Variants in NRXN1 observed in about 807,000 individuals in gnomAD.
The protein encoded by NRXN1 is neurexin 1.
Under a neutral mutation model 150.9 loss-of-function variants are expected in NRXN1, and 39 were observed. The ratio of observed to expected loss-of-function variants is 0.26; its 90% CI spans 0.20 to 0.34. The LOEUF (loss-of-function observed/expected upper bound fraction) is 0.34, where lower values mean the gene tolerates loss of function less well. NRXN1 is among the 10% of genes least tolerant of loss of function. The pLI is 1.00. For missense variants in NRXN1, 1,815 were observed against 1,949.9 expected (o/e 0.93, Z 1.30); for synonymous variants, 924 against 757.0 (o/e 1.22, Z -3.62).
intron 21 of NRXN1, among the ~76,000 whole-genome samples, chr2:50,018,490 C>A (rs532689843): frequency 6.6e-6 from 1 of 152,274 alleles, no homozygotes; most frequent in African/African-American, 2.4e-5. Context: ...GACTTCATGA[C>A]AAAATGCTGT....
At chr2:50,908,096 C>T (rs1574897999) in intron 5 of NRXN1, among the ~76,000 whole-genome samples, 1 of 152,044 alleles carries the variant, frequency 6.6e-6, no homozygotes, top group South Asian at 2.1e-4. Context: ...AGAACAAATA[C>T]CAAGCCTTAT....
rs141596430 is a variant in NRXN1 at position 50,282,050 on chromosome 2, C to A, written c.3365-45080G>T. 6.6e-5 allele frequency among the ~76,000 whole-genome samples: 10 copies of A among 152,250 alleles called. 1 individual carries two copies. In the East Asian group the frequency reaches 1.9e-3, roughly 29 times the overall value. The stretch of plus-strand genomic sequence containing the variant: ...ATGCCTGCAGTATGAGGCATTGATA[C>A]ATTTAATCAAAATGTCTTACAGTTA... On this transcript the variant is annotated intron_variant, in intron 17 of 22. Coordinates refer to ENST00000401669, the MANE Select transcript of NRXN1 (RefSeq NM_001330078.2).
At chr2:50,226,718 C>T (rs1445784403) in intron 18 of NRXN1, among the ~76,000 whole-genome samples, 1 of 151,894 alleles carries the variant, frequency 6.6e-6, no homozygotes, top group African/African-American at 2.4e-5. Flanking sequence ...AATCTTGCTT[C>T]AAGATACCAA....
At position 50,942,709 on chromosome 2, in the gene NRXN1, T is replaced by A. The variant is rs141457937; in HGVS notation, c.773-16754A>T. 5.1e-3 allele frequency among the ~76,000 whole-genome samples: 778 copies of A among 152,320 alleles called. 7 individuals carry two copies. Among genetic ancestry groups the A allele is most frequent in the African/African-American group, 0.018 (741 of 41,580 alleles). ...ATTTACCCAATGCCTAAACTTCCAT[T>A]GTATCTTGAAAGTAACTAACATGTT... On this transcript the variant is annotated intron_variant, in intron 2 of 22. Coordinates refer to ENST00000401669, the MANE Select transcript of NRXN1 (RefSeq NM_001330078.2).
At chr2:50,200,862 G>A (rs191371682) in intron 18 of NRXN1, among the ~76,000 whole-genome samples, 20 of 152,062 alleles carry the variant, frequency 1.3e-4, no homozygotes, top group Admixed American at 3.3e-4. Flanking sequence ...ACCTTCTCTC[G>A]TCTTCCTATT....
At chr2:51,015,866 A>T (rs2105233670) in intron 2 of NRXN1, among the ~76,000 whole-genome samples, 1 of 152,174 alleles carries the variant, frequency 6.6e-6, no homozygotes, top group East Asian at 1.9e-4. Context: ...CATTTGAAAA[A>T]AACTACTTTA....
At chr2:51,015,593 T>A (rs992637588) in intron 2 of NRXN1, among the ~76,000 whole-genome samples, 2 of 151,932 alleles carry the variant, frequency 1.3e-5, no homozygotes, top group Non-Finnish European at 2.9e-5. Context: ...TCTACCTATG[T>A]CTGTACTTTT....
intron 5 of NRXN1, among the ~76,000 whole-genome samples, chr2:50,752,660 G>A (rs547060334): frequency 1.1e-4 from 17 of 151,142 alleles, no homozygotes; most frequent in Non-Finnish European, 2.2e-4. Flanking sequence ...TTCCCATTAT[G>A]TGTATTCAAC....
chr2:50,817,470 G>A (rs890698707), intron 5 of NRXN1, among the ~76,000 whole-genome samples: 14 of 152,078 alleles, frequency 9.2e-5, no homozygotes, highest in African/African-American at 3.4e-4. Context: ...CTAAGAAATA[G>A]AAGAGAAGAG....
intron 5 of NRXN1, among the ~76,000 whole-genome samples, chr2:50,637,342 T>C (rs1301715146): frequency 6.6e-6 from 1 of 152,150 alleles, no homozygotes; most frequent in Admixed American, 6.5e-5. Flanking sequence ...CTGGTTTGAG[T>C]ACTGTTTTCT....
chr2:50,169,827 G>A (rs1395700687), intron 18 of NRXN1, among the ~76,000 whole-genome samples: 1 of 151,656 alleles, frequency 6.6e-6, no homozygotes, highest in African/African-American at 2.4e-5. Flanking sequence ...TTGAAACAAA[G>A]CAAAACAAAA....
intron 18 of NRXN1, among the ~76,000 whole-genome samples, chr2:50,168,582 C>T (rs892293943): frequency 6.6e-6 from 1 of 152,020 alleles, no homozygotes; most frequent in African/African-American, 2.4e-5. Context: ...TTGTTGATAA[C>T]GAATCAATTG....
At chr2:50,391,659 T>A (rs902154671) in intron 17 of NRXN1, among the ~76,000 whole-genome samples, 1 of 152,278 alleles carries the variant, frequency 6.6e-6, no homozygotes, top group South Asian at 2.1e-4. Flanking sequence ...TCCAATGTAC[T>A]AATAAGATAG....
chr2:50,025,160 G>T (rs536729449), intron 21 of NRXN1, among the ~76,000 whole-genome samples: 4 of 152,250 alleles, frequency 2.6e-5, no homozygotes, highest in African/African-American at 9.6e-5. Flanking sequence ...GAGAGTGGAG[G>T]TGCAGCAACA....
chr2:50,883,505 T>C (rs970061439), intron 5 of NRXN1, among the ~76,000 whole-genome samples: 3 of 151,668 alleles, frequency 2.0e-5, no homozygotes, highest in Non-Finnish European at 4.4e-5. Context: ...TCTGTGAATG[T>C]TATTGGATAA....
chr2:50,160,879 A>G (rs910573099), intron 18 of NRXN1, among the ~76,000 whole-genome samples: 7 of 152,156 alleles, frequency 4.6e-5, no homozygotes, highest in African/African-American at 1.7e-4. Context: ...GCTTTTAAAA[A>G]TTATACATAT....
At chr2:50,072,008 G>C (rs2152669218) in intron 19 of NRXN1, among the ~76,000 whole-genome samples, 1 of 152,082 alleles carries the variant, frequency 6.6e-6, no homozygotes, top group East Asian at 1.9e-4. Context: ...TACATTTTTT[G>C]CATGACTAAA....
In NRXN1 at chr2:50,315,169, G is replaced by A. The variant is rs141401089; in HGVS notation, c.3365-78199C>T. ...CTTTATCTCTCTGAAGAATATGTGA[G>A]CTTTTTTTTCCCCCTGTTTTAGTAT... is the stretch of plus-strand genomic sequence containing the variant. On this transcript the variant is annotated intron_variant, in intron 17 of 22. Transcript: ENST00000401669. Among the ~76,000 whole-genome samples the A allele has an allele frequency of 6.7e-3, 1,019 of 152,052 alleles. 17 individuals carry two copies. Among genetic ancestry groups the A allele is most frequent in the African/African-American group, 0.024 (992 of 41,480 alleles).
intron 5 of NRXN1, among the ~76,000 whole-genome samples, chr2:50,785,671 C>T (rs1407145566): frequency 1.3e-5 from 2 of 152,064 alleles, no homozygotes; most frequent in Non-Finnish European, 2.9e-5. Flanking sequence ...GAAGCAAAAG[C>T]ACTGAGAGAA....
Sources: gnomAD v4.1 joint callset for allele counts (sites outside exome capture counted in the v4.1 genomes callset) on GRCh38, gnomAD v4.1.1 for gene constraint, MANE v1.5 for transcripts, NCBI Gene and HGNC (gene_info 2026-07-23, HGNC 2026-07-21) for gene names.